DNAH10: variants seen among roughly 807,000 people sequenced by gnomAD.
DNAH10 encodes the protein dynein axonemal heavy chain 10.
In DNAH10, 348 loss-of-function variants were observed where a neutral mutation model predicts 506.6. That is an observed-to-expected ratio of 0.69 (90% CI 0.63 to 0.75). DNAH10 has a LOEUF of 0.75. Ranked by LOEUF, DNAH10 falls within the 30% of genes least tolerant of loss-of-function variation. The pLI is 0.00. For missense variants in DNAH10, 5,179 were observed against 5,787.1 expected, an observed-to-expected ratio of 0.89 and a Z score of 3.41; for synonymous variants, 2,059 against 2,198.6, an observed-to-expected ratio of 0.94 and a Z score of 1.78.
intron 30 of DNAH10, among the ~76,000 whole-genome samples, chr12:123,844,052 C>T (rs1304026728): frequency 1.3e-5 from 2 of 152,186 alleles, no homozygotes; most frequent in Non-Finnish European, 2.9e-5. Flanking sequence ...GACTCACAGT[C>T]ACGCATGGCT....
At chr12:123,830,170 A>G (rs1030101624) in intron 25 of DNAH10, among the ~76,000 whole-genome samples, 8 of 152,200 alleles carry the variant, frequency 5.3e-5, no homozygotes, top group African/African-American at 1.9e-4. Flanking sequence ...AATATTTATC[A>G]AATGCACGAG....
At chr12:123,891,170 A>G (rs1952965131) in intron 52 of DNAH10, among the ~76,000 whole-genome samples, 1 of 152,144 alleles carries the variant, frequency 6.6e-6, no homozygotes, top group East Asian at 1.9e-4. Context: ...TTGTAGGCAC[A>G]GAACTCCAGT....
chr12:123,838,713 G>C (rs759373126), intron 29 of DNAH10, 24 bp downstream of exon 29: 372 of 1,603,968 alleles, frequency 2.3e-4, no homozygotes, highest in Non-Finnish European at 3.1e-4. Context: ...GTGTGCAGGG[G>C]CTCCCCGTGT....
intron 55 of DNAH10, 87 bp downstream of exon 55, chr12:123,898,054 G>A (rs1166681916): frequency 3.1e-5 from 39 of 1,275,124 alleles, no homozygotes; most frequent in Non-Finnish European, 2.4e-5. Flanking sequence ...TAGTAAGATG[G>A]GGCATCTTCA....
At chr12:123,876,082 C>G (rs1171699900) in intron 47 of DNAH10, among the ~76,000 whole-genome samples, 2 of 152,238 alleles carry the variant, frequency 1.3e-5, no homozygotes, top group African/African-American at 4.8e-5. Flanking sequence ...ATCTTCTGAT[C>G]TGGCGTTTCC....
chr12:123,867,789 G>A (rs901568459), intron 42 of DNAH10, 114 bp from the exon 43 acceptor site: 6 of 1,337,898 alleles, frequency 4.5e-6, no homozygotes, highest in Middle Eastern at 3.7e-4. Flanking sequence ...GAACCAACAT[G>A]TTGGGTCTTA....
chr12:123,795,391 T>A (rs911468046), intron 12 of DNAH10, among the ~76,000 whole-genome samples: 1 of 152,058 alleles, frequency 6.6e-6, no homozygotes, highest in Non-Finnish European at 1.5e-5. Context: ...GTCCCTGGGT[T>A]TAAATCGAGG....
Position 123,926,695 on chromosome 12 carries a change from T to G in DNAH10, c.11980T>G (p.Ser3994Ala). The change falls in exon 69 of 79, where the codon TCG becomes GCG. Residue 3994 changes from serine (S) to alanine (A), a missense_variant. This residue lies in a region of DNAH10 where 4,844 missense variants were observed against 5,430.5 expected (regional missense o/e 0.89). Coordinates refer to ENST00000673944, the MANE Select transcript of DNAH10 (RefSeq NM_001372106.1). The surrounding 1 kb of genome is among the most constrained non-coding windows in gnomAD (Gnocchi z 4.1). ...EAIFEQSTPH[S>A]PIVFILSPGS... is the part of the protein sequence containing the mutation. Reference sequence around the variant, plus strand: ...TATTTTTGAGCAGAGCACTCCACATTCGCCCATTGTGTTTATCCTGAGTCC... The same window carrying G: ...TATTTTTGAGCAGAGCACTCCACATGCGCCCATTGTGTTTATCCTGAGTCC... The G allele has an allele frequency of 1.9e-6, 3 of 1,613,984 alleles. No homozygotes were observed. The highest frequency in any genetic ancestry group is 2.5e-6 in the Non-Finnish European group (3 of 1,179,890).
intron 26 of DNAH10, among the ~76,000 whole-genome samples, chr12:123,831,532 C>A (rs1009686538): frequency 1.3e-5 from 2 of 152,178 alleles, no homozygotes; most frequent in Non-Finnish European, 2.9e-5. Context: ...GCCTGTACAG[C>A]AAGGAACTAC....
At chr12:123,933,977 T>C in intron 77 of DNAH10, 1 of 477,396 alleles carries the variant, frequency 2.1e-6, no homozygotes, top group Middle Eastern at 2.9e-4. Flanking sequence ...TGGAAACTGC[T>C]GTTTCCCCGG....
intron 41 of DNAH10, among the ~76,000 whole-genome samples, chr12:123,866,907 T>C (rs965903115): frequency 3.3e-5 from 5 of 152,192 alleles, no homozygotes; most frequent in Non-Finnish European, 1.5e-5. Flanking sequence ...GACCACCTTC[T>C]CAAAGGAACA....
chr12:123,804,806 A>G (rs1445743135), intron 17 of DNAH10, 27 bp from the exon 18 acceptor site: 1 of 1,593,570 alleles, frequency 6.3e-7, no homozygotes, highest in Non-Finnish European at 8.6e-7. Context: ...GTTCGTGGAC[A>G]GCTCTAACAG....
intron 13 of DNAH10, 53 bp from the exon 14 acceptor site, chr12:123,799,193 T>C: frequency 1.3e-6 from 2 of 1,532,240 alleles, no homozygotes; most frequent in South Asian, 2.5e-5. Flanking sequence ...TAGAGCGAGA[T>C]GAAAAATGTT....
rs761532990 is a variant in DNAH10, at chr12:123,934,643, C to T, written c.13500C>T (p.Tyr4500=). ...TAGGATGCTTTGTCTCAGGACTGTA[C>T]CTGGAAGGTGCTGACTGGGATATAG... ...AGQGCFVSGL[Y]LEGADWDIEK... is the part of the protein sequence containing the mutation. Residue 4500 remains tyrosine (Y), a synonymous_variant, in exon 78 of 79, where the codon TAC becomes TAT. Transcript: ENST00000673944. 7 of 1,613,682 alleles carry T rather than the reference C, an allele frequency of 4.3e-6. No homozygotes were observed. The South Asian group carries it at 7.7e-5, about 18-fold the overall frequency.
intron 52 of DNAH10, among the ~76,000 whole-genome samples, chr12:123,887,671 C>T (rs1215234400): frequency 6.6e-6 from 1 of 152,092 alleles, no homozygotes; most frequent in Non-Finnish European, 1.5e-5. Flanking sequence ...TGCCTGTGAT[C>T]CCAGCACTCT....
chr12:123,821,233 A>C (rs1270106551), intron 24 of DNAH10, among the ~76,000 whole-genome samples: 2 of 151,954 alleles, frequency 1.3e-5, no homozygotes, highest in South Asian at 2.1e-4. Flanking sequence ...CTGGGCGACA[A>C]GAGCGAAACT....
Position 123,929,648 on chromosome 12 carries a change from G to C in DNAH10, c.12517-16G>C. 1 of 1,609,614 alleles carries C rather than the reference G, an allele frequency of 6.2e-7. No individual in the cohort carries two copies. Among genetic ancestry groups the C allele is most frequent in the Non-Finnish European group, 8.5e-7 (1 of 1,177,804 alleles). On this transcript the variant is annotated splice_polypyrimidine_tract_variant and intron_variant, in intron 71 of 78. Transcript: ENST00000673944. ...GGTGGGTTTCAGTATAACTGAGCGT[G>C]TTCTCTTCTTTCAAGGTCTGCATGG...
intron 5 of DNAH10, among the ~76,000 whole-genome samples, chr12:123,776,325 A>G (rs1957437887): frequency 6.6e-6 from 1 of 152,124 alleles, no homozygotes; most frequent in Admixed American, 6.5e-5. Context: ...GAGAGTACCA[A>G]GAATGACTCT....
chr12:123,798,908 C>G (rs1449254838), intron 13 of DNAH10, among the ~76,000 whole-genome samples: 1 of 149,436 alleles, frequency 6.7e-6, no homozygotes, highest in Non-Finnish European at 1.5e-5. Flanking sequence ...GAGTTCAAGA[C>G]CAGCCTGGCC....
Sources: gnomAD v4.1 joint callset for allele counts (sites outside exome capture counted in the v4.1 genomes callset) on GRCh38, gnomAD v4.1.1 for gene constraint, gnomAD v4.1.1 regional missense constraint, Gnocchi (gnomAD v3.1) non-coding constraint, MANE v1.5 for transcripts, NCBI Gene and HGNC (gene_info 2026-07-23, HGNC 2026-07-21) for gene names.